LRP1B: variants seen among roughly 807,000 people sequenced by gnomAD.
LRP1B encodes the protein LDL receptor related protein 1B.
LRP1B carries 217 observed loss-of-function variants against 556.6 expected under a neutral mutation model. The ratio of observed to expected loss-of-function variants is 0.39; its 90% CI spans 0.35 to 0.44. The LOEUF (loss-of-function observed/expected upper bound fraction) is 0.44, where lower values mean the gene tolerates loss of function less well. Among genes scored for constraint, LRP1B ranks in the 20% least tolerant of loss-of-function variants. The probability of loss-of-function intolerance (pLI) is 1.00; values close to 1 mark genes in which losing one functional copy is unlikely to be tolerated. For synonymous variants in LRP1B, 2,047 were observed against 1,865.8 expected, an observed-to-expected ratio of 1.10 and a Z score of -2.50; for missense variants, 5,053 against 5,620.8, an observed-to-expected ratio of 0.90 and a Z score of 3.23.
chr2:142,126,431 A>T (rs761445031), intron 1 of LRP1B, among the ~76,000 whole-genome samples: 1 of 151,880 alleles, frequency 6.6e-6, no homozygotes, highest in Non-Finnish European at 1.5e-5. Context: ...ACATAAACAC[A>T]CACAGAGAGA....
intron 3 of LRP1B, among the ~76,000 whole-genome samples, chr2:141,296,720 T>C (rs2105420920): frequency 6.6e-6 from 1 of 152,328 alleles, no homozygotes; most frequent in South Asian, 2.1e-4. Flanking sequence ...AAAATAATTT[T>C]AACTTTTATT....
Position 142,022,949 on chromosome 2 carries a change from A to G in LRP1B, c.82+107699T>C, listed in dbSNP as rs1488131244. On this transcript the variant is annotated intron_variant, in intron 1 of 90. Coordinates refer to ENST00000389484, the MANE Select transcript of LRP1B (RefSeq NM_018557.3). ...CTCGGCCTTCCAAAGTGCTGGGATT[A>G]CAGGCGTGAGCCAACATGCCTGGCC... Among the ~76,000 whole-genome samples the G allele has an allele frequency of 2.0e-5, 3 of 152,294 alleles. No homozygotes were observed. In the East Asian group the frequency reaches 5.8e-4, roughly 29 times the overall value.
chr2:141,590,950 A>T (rs1687312462), intron 2 of LRP1B, among the ~76,000 whole-genome samples: 1 of 152,078 alleles, frequency 6.6e-6, no homozygotes, highest in Admixed American at 6.5e-5. Context: ...TATCTTTTTT[A>T]AAAGTCTTTG....
At chr2:140,457,290 G>A (rs1055145042) in intron 61 of LRP1B, among the ~76,000 whole-genome samples, 173 bp downstream of exon 61, 1 of 152,072 alleles carries the variant, frequency 6.6e-6, no homozygotes, top group Non-Finnish European at 1.5e-5. Flanking sequence ...CTAATCATAT[G>A]CCTTAAGAGC....
chr2:142,130,682 C>A lies in LRP1B; in HGVS notation c.48G>T (p.Pro16=), dbSNP rs1473979402. 1.2e-6 allele frequency: 2 copies of A among 1,613,608 alleles called. No homozygotes were observed. Among genetic ancestry groups the A allele is most frequent in the Non-Finnish European group, 1.7e-6 (2 of 1,179,740 alleles). ...LALLTLSGLL[P]IARVLTVGAD... Reference sequence around the variant, plus strand: ...CTCCCACGGTCAGCACCCTGGCAATCGGCAATAATCCCGAGAGAGTGAGTA... The same window carrying A: ...CTCCCACGGTCAGCACCCTGGCAATAGGCAATAATCCCGAGAGAGTGAGTA... The change falls in exon 1 of 91, where the codon CCG becomes CCT. Residue 16 remains proline (P), a synonymous_variant. Coordinates refer to ENST00000389484, the MANE Select transcript of LRP1B (RefSeq NM_018557.3).
intron 11 of LRP1B, among the ~76,000 whole-genome samples, chr2:141,040,409 C>G (rs530378027): frequency 6.6e-6 from 1 of 152,014 alleles, no homozygotes; most frequent in East Asian, 1.9e-4. Flanking sequence ...AGAAATCCTG[C>G]CAAAGTTATA....
At chr2:140,803,457 ATTAT>A (rs200960635) in intron 32 of LRP1B, among the ~76,000 whole-genome samples, 3,506 of 150,526 alleles carry the variant, frequency 0.023, 69 homozygotes, top group South Asian at 0.1. Flanking sequence ...TATTTATTTT[ATTAT>A]TTATTTATTT....
chr2:140,803,265 T>TTTG (rs1690580455), intron 32 of LRP1B, among the ~76,000 whole-genome samples: 1 of 127,590 alleles, frequency 7.8e-6, no homozygotes, highest in African/African-American at 3.2e-5. Flanking sequence ...TGAAAGTTTT[T>TTTG]TTTTTTTTTT....
Position 141,672,555 on chromosome 2 carries a change from A to C in LRP1B, c.205+137724T>G, listed in dbSNP as rs893628051. ...GTTTGGGTGTCATGAAAAGTTTGCTATACCTAGATTTATGTAATCTGGTTT... is the reference window on the plus strand; with the variant it reads ...GTTTGGGTGTCATGAAAAGTTTGCTCTACCTAGATTTATGTAATCTGGTTT... On this transcript the variant is annotated intron_variant, in intron 2 of 90. Coordinates refer to ENST00000389484, the MANE Select transcript of LRP1B (RefSeq NM_018557.3). 5.9e-5 allele frequency among the ~76,000 whole-genome samples: 9 copies of C among 152,318 alleles called. No homozygotes were observed. The South Asian group carries it at 1.7e-3, about 28-fold the overall frequency.
At chr2:141,335,655 TA>T (rs1213369336) in intron 3 of LRP1B, among the ~76,000 whole-genome samples, 2 of 152,014 alleles carry the variant, frequency 1.3e-5, no homozygotes, top group African/African-American at 4.8e-5. Flanking sequence ...AATAAACTAA[TA>T]AAAACTAGAT....
At chr2:142,063,899 G>C (rs370417382) in intron 1 of LRP1B, among the ~76,000 whole-genome samples, 1 of 151,486 alleles carries the variant, frequency 6.6e-6, no homozygotes, top group East Asian at 1.9e-4. Context: ...CCTGGTATCA[G>C]TACACATATA....
intron 3 of LRP1B, among the ~76,000 whole-genome samples, chr2:141,415,406 A>G (rs1009672815): frequency 6.6e-6 from 1 of 152,156 alleles, no homozygotes; most frequent in African/African-American, 2.4e-5. Context: ...CTACAAGAGA[A>G]TAGCTAATCT....
At chr2:141,792,414 G>A (rs1695644005) in intron 2 of LRP1B, among the ~76,000 whole-genome samples, 1 of 151,908 alleles carries the variant, frequency 6.6e-6, no homozygotes, top group Non-Finnish European at 1.5e-5. Flanking sequence ...GGAACCTCTT[G>A]TGGACCCTGC....
chr2:140,279,348 T>C (rs138572262), intron 84 of LRP1B, among the ~76,000 whole-genome samples: 96 of 152,076 alleles, frequency 6.3e-4, no homozygotes, highest in African/African-American at 2.2e-3. Flanking sequence ...TCTGATGGTG[T>C]TGTCTATTTC....
chr2:140,517,842 C>G (rs975288359), intron 49 of LRP1B, among the ~76,000 whole-genome samples: 12 of 151,404 alleles, frequency 7.9e-5, no homozygotes, highest in African/African-American at 2.9e-4. Context: ...TCCTGAATAG[C>G]TAGGACTACA....
Position 140,923,129 on chromosome 2 carries a change from CCAG to C in LRP1B, c.3152_3154del (p.Ala1051del). On this transcript the variant is annotated inframe_deletion, in exon 21 of 91. Transcript: ENST00000389484. Reference sequence around the variant, plus strand: ...GCACTGAAATTCATTTCCGTTACAACCAGCAGGAGAATGAATCTCTTAATTTGA... The same window carrying C: ...GCACTGAAATTCATTTCCGTTACAACCAGGAGAATGAATCTCTTAATTTGA... 4 of 1,611,580 alleles carry C rather than the reference CCAG, an allele frequency of 2.5e-6. No individual in the cohort carries two copies. The highest frequency in any genetic ancestry group is 3.4e-6 in the Non-Finnish European group (4 of 1,178,642).
intron 12 of LRP1B, among the ~76,000 whole-genome samples, chr2:141,017,491 C>T (rs1365631870): frequency 6.6e-6 from 1 of 151,236 alleles, no homozygotes; most frequent in Non-Finnish European, 1.5e-5. Context: ...ACACACGAGA[C>T]AGAGATAAAT....
Position 140,850,234 on chromosome 2 carries a change from G to T in LRP1B, c.4807C>A (p.Pro1603Thr). 1.2e-6 allele frequency: 2 copies of T among 1,612,738 alleles called. No homozygotes were observed. Among genetic ancestry groups the T allele is most frequent in the South Asian group, 1.1e-5 (1 of 91,040 alleles). ...YFNFITAFTV[P>T]DIDDVTVIDF... ...ATCACAGTAACGTCATCAATATCAG[G>T]GACTGTAAATGCCGTGATGAAGTTA... The change falls in exon 29 of 91, where the codon CCT (proline) becomes ACT (threonine). Residue 1603 changes from proline to threonine, a missense_variant. Coordinates refer to ENST00000389484, the MANE Select transcript of LRP1B (RefSeq NM_018557.3).
At chr2:141,978,782 C>G (rs369514477) in intron 1 of LRP1B, among the ~76,000 whole-genome samples, 1 of 152,004 alleles carries the variant, frequency 6.6e-6, no homozygotes, top group East Asian at 1.9e-4. Context: ...TGATCCAGAA[C>G]TGTCCATTAC....
Sources: allele counts gnomAD v4.1 joint callset (sites outside exome capture counted in the v4.1 genomes callset), GRCh38; gene constraint gnomAD v4.1.1; transcripts MANE v1.5; gene names NCBI Gene and HGNC (gene_info 2026-07-23, HGNC 2026-07-21).